The following OLAH variants were observed in gnomAD, a reference collection of about 807,000 sequenced individuals.
OLAH encodes the protein S-acyl fatty acid synthase thioesterase, medium chain.
A neutral mutation model predicts 27.8 loss-of-function variants in OLAH; 33 were observed. That is an observed-to-expected ratio of 1.19 (90% CI 0.90 to 1.59). OLAH has a LOEUF of 1.59. Among genes scored for constraint, OLAH ranks in the 40% most tolerant of loss-of-function variants. The pLI, the probability that OLAH is intolerant of heterozygous loss-of-function variation, is 0.00. For synonymous variants in OLAH, 120 were observed against 102.9 expected, an observed-to-expected ratio of 1.17 and a Z score of -1.01; for missense variants, 359 against 310.8, an observed-to-expected ratio of 1.16 and a Z score of -1.17.
chr10:15,069,222 T>C (rs1355061025), intron 6 of OLAH, among the ~76,000 whole-genome samples: 1 of 152,190 alleles, frequency 6.6e-6, no homozygotes, highest in Non-Finnish European at 1.5e-5. Context: ...TTTTGCCTTC[T>C]ATCTGTGGTT....
intron 1 of OLAH, among the ~76,000 whole-genome samples, chr10:15,044,579 C>A (rs976183488): frequency 4.6e-5 from 7 of 151,954 alleles, no homozygotes; most frequent in Non-Finnish European, 8.8e-5. Context: ...CATCTGGGAT[C>A]ATTTACTTTC....
chr10:15,051,690 T>A (rs777864393), intron 3 of OLAH, among the ~76,000 whole-genome samples: 34 of 152,270 alleles, frequency 2.2e-4, no homozygotes, highest in Non-Finnish European at 2.2e-4. Flanking sequence ...TCAGAGCATA[T>A]AACATCATCC....
In OLAH at chr10:15,073,418, T is replaced by C. The variant is rs969432337; in HGVS notation, c.*189T>C. 5 of 500,038 alleles carry C rather than the reference T, an allele frequency of 1.0e-5. No individual in the cohort carries two copies. Among genetic ancestry groups the C allele is most frequent in the East Asian group, 7.5e-5 (2 of 26,764 alleles). 31.0% of individuals were successfully genotyped at this position (500,038 alleles called of 1,614,324 possible). On this transcript the variant is annotated 3_prime_UTR_variant, in exon 8 of 8. Coordinates refer to ENST00000378228, the MANE Select transcript of OLAH (RefSeq NM_001039702.3). ...GTAAAGAATACTTCTGGCAGCACTTTGGGAGGCCAAGGCGGGCGGATCACG... is the reference window on the plus strand; with the variant it reads ...GTAAAGAATACTTCTGGCAGCACTTCGGGAGGCCAAGGCGGGCGGATCACG...
chr10:15,066,470 A>C (rs1444943604), intron 6 of OLAH, among the ~76,000 whole-genome samples: 1 of 152,066 alleles, frequency 6.6e-6, no homozygotes, highest in Non-Finnish European at 1.5e-5. Context: ...ATTTTGTTCC[A>C]GAACTCATTA....
chr10:15,044,892 G>A (rs1843985853), intron 1 of OLAH, among the ~76,000 whole-genome samples: 1 of 152,060 alleles, frequency 6.6e-6, no homozygotes, highest in African/African-American at 2.4e-5. Context: ...TATAAAGATT[G>A]CTTTTTTTGT....
chr10:15,049,117 T>TC (rs1382049967), intron 2 of OLAH, among the ~76,000 whole-genome samples: 8 of 142,690 alleles, frequency 5.6e-5, no homozygotes, highest in African/African-American at 2.1e-4. Context: ...TTTTTTTTTT[T>TC]TTTGGAGACT....
At chr10:15,071,009 C>T (rs1000320786) in intron 6 of OLAH, among the ~76,000 whole-genome samples, 2 of 152,024 alleles carry the variant, frequency 1.3e-5, no homozygotes, top group African/African-American at 4.8e-5. Context: ...GTCTCAAACT[C>T]CTGGCCTTAA....
chr10:15,050,539 A>ATTTTTTT, intron 3 of OLAH, among the ~76,000 whole-genome samples: 1 of 109,046 alleles, frequency 9.2e-6, no homozygotes, highest in Non-Finnish European at 1.8e-5. Context: ...AAGTGCTAGG[A>ATTTTTTT]TTTTTTTTTT....
chr10:15,038,049 A>T (rs1843868523), intron 1 of OLAH, among the ~76,000 whole-genome samples: 1 of 152,222 alleles, frequency 6.6e-6, no homozygotes, highest in African/African-American at 2.4e-5. Context: ...CATTAGTGTG[A>T]CCCAGATGCA....
At chr10:15,045,209 T>A (rs1843992417) in intron 1 of OLAH, among the ~76,000 whole-genome samples, 1 of 152,232 alleles carries the variant, frequency 6.6e-6, no homozygotes, top group Non-Finnish European at 1.5e-5. Flanking sequence ...AAATGTTTAA[T>A]CTTCCCAGGT....
Position 15,061,812 on chromosome 10 carries a change from T to C in OLAH, c.252T>C (p.Cys84=). Residue 84 remains cysteine, a synonymous_variant, in exon 4 of 8, where the codon TGT becomes TGC. Coordinates refer to ENST00000378228, the MANE Select transcript of OLAH (RefSeq NM_001039702.3). ...DISQLVDEVV[C]ALQPVIQDKP... Reference sequence around the variant, plus strand: ...CCCAGTTAGTTGATGAAGTTGTTTGTGCTCTGCAGCCAGTCATCCAGGATA... The same window carrying C: ...CCCAGTTAGTTGATGAAGTTGTTTGCGCTCTGCAGCCAGTCATCCAGGATA... 1.2e-6 allele frequency: 2 copies of C among 1,614,048 alleles called. No individual in the cohort carries two copies. Among genetic ancestry groups the C allele is most frequent in the South Asian group, 2.2e-5 (2 of 91,050 alleles).
rs1478690549 is a variant in OLAH at position 15,061,775 on chromosome 10, A to G, written c.215A>G (p.Glu72Gly). Residue 72 changes from glutamate (E) to glycine (G), a missense_variant, in exon 4 of 8, where the codon GAA becomes GGA. Physicochemically the swap from Glu to Gly is moderately conservative, Grantham distance 98 (BLOSUM62 -2). Coordinates refer to ENST00000378228, the MANE Select transcript of OLAH (RefSeq NM_001039702.3). ...GRESRVEEPL[E>G]NDISQLVDEV... ...GAAAGCAGAGTTGAAGAACCTCTTG[A>G]AAATGACATCTCCCAGTTAGTTGAT... 2 of 1,613,788 alleles carry G rather than the reference A, an allele frequency of 1.2e-6. No individual in the cohort carries two copies. The highest frequency in any genetic ancestry group is 2.7e-5 in the African/African-American group (2 of 75,050).
chr10:15,034,115 C>CTTTTTT (rs1285548864), intron 1 of OLAH, among the ~76,000 whole-genome samples: 4 of 77,876 alleles, frequency 5.1e-5, no homozygotes, highest in African/African-American at 1.7e-4. Context: ...TTTTTTTTTT[C>CTTTTTT]TTTTTTTTTT....
chr10:15,070,011 G>T (rs1255283392), intron 6 of OLAH, among the ~76,000 whole-genome samples: 1 of 152,132 alleles, frequency 6.6e-6, no homozygotes, highest in Non-Finnish European at 1.5e-5. Context: ...CCTGGACATT[G>T]TGCCATCTGA....
chr10:15,036,499 C>A (rs554724168), intron 1 of OLAH, among the ~76,000 whole-genome samples: 44 of 151,970 alleles, frequency 2.9e-4, no homozygotes, highest in South Asian at 8.3e-4. Context: ...CTCTATCCCC[C>A]CAAAAAAGAG....
chr10:15,052,580 A>G (rs1844165418), intron 3 of OLAH, among the ~76,000 whole-genome samples: 1 of 151,736 alleles, frequency 6.6e-6, no homozygotes, highest in African/African-American at 2.4e-5. Flanking sequence ...GCCAGGAGAT[A>G]AATTACTGAT....
intron 4 of OLAH, 153 bp downstream of exon 4, chr10:15,062,015 C>T (rs759814421): frequency 8.4e-5 from 59 of 702,552 alleles, no homozygotes; most frequent in Non-Finnish European, 1.2e-4. Flanking sequence ...TTACAATTCA[C>T]CAGTTTGTAT....
chr10:15,057,035 A>G, intron 3 of OLAH: 3 of 1,347,134 alleles, frequency 2.2e-6, no homozygotes, highest in Non-Finnish European at 2.9e-6. Context: ...TTTCTTTTTA[A>G]TGTGGTGTCT....
Position 15,047,216 on chromosome 10 carries a change from C to T in OLAH, c.-73C>T. The T allele has an allele frequency of 6.6e-7, 1 of 1,524,976 alleles. No homozygotes were observed. The highest frequency in any genetic ancestry group is 1.4e-5 in the African/African-American group (1 of 72,648). The allele number at this position is 1,524,976 out of a possible 1,614,324, so 94.5% of individuals were successfully genotyped here. A position where few individuals can be genotyped will look rare whatever the true frequency, so the allele number is the denominator to read the frequency against. On this transcript the variant is annotated 5_prime_UTR_variant, in exon 2 of 8. Coordinates refer to ENST00000378228, the MANE Select transcript of OLAH (RefSeq NM_001039702.3). ...AAGGCCGAGCAGAGGTTCTTCGTCTCAAGAGGAACTGACTTCTGTTGAGCA... is the reference window on the plus strand; with the variant it reads ...AAGGCCGAGCAGAGGTTCTTCGTCTTAAGAGGAACTGACTTCTGTTGAGCA...
Sources: allele counts gnomAD v4.1 joint callset (sites outside exome capture counted in the v4.1 genomes callset), GRCh38; gene constraint gnomAD v4.1.1; transcripts MANE v1.5; gene names NCBI Gene and HGNC (gene_info 2026-07-23, HGNC 2026-07-21).